Variants in ZNF571 observed in about 807,000 individuals in gnomAD.
ZNF571 encodes zinc finger protein 571.
Under a neutral mutation model 7.7 loss-of-function variants are expected in ZNF571, and 4 were observed. That is an observed-to-expected ratio of 0.52 (90% CI 0.25 to 1.18). The LOEUF (loss-of-function observed/expected upper bound fraction) is 1.18. Among genes scored for constraint, ZNF571 ranks in the 50% most tolerant of loss-of-function variants. The pLI, the probability that ZNF571 is intolerant of heterozygous loss-of-function variation, is 0.14. For missense variants in ZNF571, 704 were observed against 726.9 expected (o/e 0.97, Z 0.36); for synonymous variants, 251 against 232.4 (o/e 1.08, Z -0.73).
chr19:37,565,215 T>C lies in ZNF571; in HGVS notation c.1213A>G (p.Asn405Asp). The C allele has an allele frequency of 1.2e-6, 2 of 1,613,326 alleles. No homozygotes were observed. Among genetic ancestry groups the C allele is most frequent in the Non-Finnish European group, 1.7e-6 (2 of 1,179,760 alleles). ...ECGKAFISNSNLIQHQRIHTG... is the reference protein window; with the variant it reads ...ECGKAFISNSDLIQHQRIHTG... ...TGAATTCTTTGATGTTGAATAAGAT[T>C]AGAATTAGAAATAAAGGCTTTCCCA... is the stretch of plus-strand genomic sequence containing the variant. The change falls in exon 4 of 4, where the codon AAT becomes GAT. Residue 405 changes from asparagine to aspartate, a missense_variant. Asn to Asp is a conservative substitution (Grantham distance 23). Transcript: ENST00000451802.
chr19:37,566,567 T>TA, intron 3 of ZNF571: 1 of 290,118 alleles, frequency 3.4e-6, no homozygotes, highest in Admixed American at 4.7e-5. Flanking sequence ...AAAATAGTAA[T>TA]AAAAACACCC....
At position 37,564,652 on chromosome 19, in the gene ZNF571, A is replaced by G. The variant is rs1027750211; in HGVS notation, c.1776T>C (p.Gly592=). Residue 592 remains glycine, a synonymous_variant, in exon 4 of 4, where the codon GGT becomes GGC. Coordinates refer to ENST00000451802, the MANE Select transcript of ZNF571 (RefSeq NM_016536.5). ...GTTGTGAAGGACATCTAAAGTCTTT[A>G]CCACACTGGACACATGTATAGGGTT... The part of the protein sequence containing the change: ...GEKPYTCVQC[G]KDFRCPSQLT... 6.3e-7 allele frequency: 1 copy of G among 1,598,078 alleles called. No homozygotes were observed. The highest frequency in any genetic ancestry group is 1.1e-5 in the South Asian group (1 of 88,356).
intron 3 of ZNF571, among the ~76,000 whole-genome samples, chr19:37,579,150 C>T (rs1329846292): frequency 6.6e-6 from 1 of 152,206 alleles, no homozygotes; most frequent in Non-Finnish European, 1.5e-5. Context: ...TAGGACCCTG[C>T]ATGAGAGTTC....
At chr19:37,576,753 C>A (rs1381524188) in intron 3 of ZNF571, among the ~76,000 whole-genome samples, 1 of 151,920 alleles carries the variant, frequency 6.6e-6, no homozygotes, top group Non-Finnish European at 1.5e-5. Flanking sequence ...TAGCAAAGAC[C>A]CAAACTGGGA....
chr19:37,590,072 G>C (rs1425484820), intron 1 of ZNF571, among the ~76,000 whole-genome samples: 2 of 150,232 alleles, frequency 1.3e-5, no homozygotes, highest in Non-Finnish European at 2.9e-5. Flanking sequence ...TTTGATCCTA[G>C]ATATGATTTT....
chr19:37,568,966 T>C (rs1473178643), intron 3 of ZNF571, among the ~76,000 whole-genome samples: 1 of 152,062 alleles, frequency 6.6e-6, no homozygotes, highest in Non-Finnish European at 1.5e-5. Flanking sequence ...AGGCATCTTT[T>C]TTTTTTTTGA....
chr19:37,589,502 C>T (rs573757695), intron 1 of ZNF571, among the ~76,000 whole-genome samples: 5 of 151,494 alleles, frequency 3.3e-5, no homozygotes, highest in East Asian at 1.9e-4. Context: ...AAAAAGTCAA[C>T]GGTCATTCAA....
At chr19:37,580,439 A>G (rs528339955) in intron 3 of ZNF571, among the ~76,000 whole-genome samples, 4 of 152,248 alleles carry the variant, frequency 2.6e-5, no homozygotes, top group Admixed American at 6.5e-5. Flanking sequence ...TTTCCACAAC[A>G]TTTTCTTGAT....
At chr19:37,588,385 G>T (rs2043755519) in intron 1 of ZNF571, among the ~76,000 whole-genome samples, 1 of 152,110 alleles carries the variant, frequency 6.6e-6, no homozygotes, top group Non-Finnish European at 1.5e-5. Context: ...CTGTAAAAAG[G>T]AACAAAATCA....
In ZNF571 at chr19:37,569,029, T is replaced by A. The variant is rs1433309206; in HGVS notation, c.137-2738A>T. Among the ~76,000 whole-genome samples the A allele has an allele frequency of 6.6e-6, 1 of 151,968 alleles. No homozygotes were observed. The highest frequency in any genetic ancestry group is 1.5e-5 in the Non-Finnish European group (1 of 67,964). Reference sequence around the variant, plus strand: ...TGGAGTGCAGTCGTGCCATCTCAGCTCACTGCAACCTCCGCCTCCAGGTTC... The same window carrying A: ...TGGAGTGCAGTCGTGCCATCTCAGCACACTGCAACCTCCGCCTCCAGGTTC... On this transcript the variant is annotated intron_variant, in intron 3 of 3. Coordinates refer to ENST00000451802, the MANE Select transcript of ZNF571 (RefSeq NM_016536.5). This position sits in a 1 kb window ranked among gnomAD's most constrained non-coding sequence, Gnocchi z 4.4.
rs941786680 is a variant in ZNF571 at position 37,574,427 on chromosome 19, T to A, written c.137-8136A>T. On this transcript the variant is annotated intron_variant, in intron 3 of 3. Transcript: ENST00000451802. ...TGCAATCAGTATTATTTTCACTAAA[T>A]TTTTTTATCTCCAAAAATATTATTC... 3.3e-5 allele frequency among the ~76,000 whole-genome samples: 5 copies of A among 152,308 alleles called. No homozygotes were observed. In the East Asian group the frequency reaches 9.6e-4, roughly 29 times the overall value.
chr19:37,572,562 C>G (rs1316692633), intron 3 of ZNF571, among the ~76,000 whole-genome samples: 1 of 152,184 alleles, frequency 6.6e-6, no homozygotes. Context: ...AGTACTAGCT[C>G]TGGTTTCAGG....
chr19:37,582,053 TAC>T (rs747048940), intron 3 of ZNF571, among the ~76,000 whole-genome samples: 5 of 152,210 alleles, frequency 3.3e-5, no homozygotes, highest in African/African-American at 4.8e-5. Flanking sequence ...CCCTAATTAT[TAC>T]AGTGTTCTTA....
chr19:37,567,494 T>C (rs2042901313), intron 3 of ZNF571: 2 of 151,900 alleles, frequency 1.3e-5, no homozygotes, highest in Admixed American at 6.5e-5. Flanking sequence ...TTCTTAAATT[T>C]CTCCAATTTC....
intron 3 of ZNF571, among the ~76,000 whole-genome samples, chr19:37,570,635 A>G (rs1041226123): frequency 1.3e-5 from 2 of 152,198 alleles, no homozygotes; most frequent in Non-Finnish European, 2.9e-5. Flanking sequence ...AGAATGATTA[A>G]ACACAGGACT....
At chr19:37,566,929 T>C (rs1344488443) in intron 3 of ZNF571, among the ~76,000 whole-genome samples, 1 of 152,164 alleles carries the variant, frequency 6.6e-6, no homozygotes, top group Non-Finnish European at 1.5e-5. Flanking sequence ...TTTTCTTATG[T>C]CATCTCCCAC....
Position 37,564,564 on chromosome 19 carries a change from G to GAA in ZNF571, c.*33_*34insTT, listed in dbSNP as rs777136986. Reference sequence around the variant, plus strand: ...TCATTATAGATATGAAATAGATGAAGATTTTCTTAAATTTAATCACATTCA... The same window carrying GAA: ...TCATTATAGATATGAAATAGATGAAGAAATTTTCTTAAATTTAATCACATTCA... On this transcript the variant is annotated 3_prime_UTR_variant, in exon 4 of 4. Transcript: ENST00000451802. 6.9e-7 allele frequency: 1 copy of GAA among 1,454,060 alleles called. No homozygotes were observed. The highest frequency in any genetic ancestry group is 2.5e-5 in the Admixed American group (1 of 40,644). 90.1% of individuals were successfully genotyped at this position (1,454,060 alleles called of 1,614,324 possible). A position where few individuals can be genotyped will look rare whatever the true frequency, so the allele number is the denominator to read the frequency against.
At chr19:37,586,596 T>G in intron 2 of ZNF571, 72 bp downstream of exon 2, 1 of 1,577,166 alleles carries the variant, frequency 6.3e-7, no homozygotes, top group Non-Finnish European at 8.7e-7. Flanking sequence ...CAGGAAATTC[T>G]GGGATAAATC....
chr19:37,572,855 A>C (rs2043111720), intron 3 of ZNF571, among the ~76,000 whole-genome samples: 1 of 152,248 alleles, frequency 6.6e-6, no homozygotes, highest in African/African-American at 2.4e-5. Flanking sequence ...ATTTGCCACC[A>C]GCCTATTTCC....
Sources: allele counts gnomAD v4.1 joint callset (sites outside exome capture counted in the v4.1 genomes callset), GRCh38; gene constraint gnomAD v4.1.1; non-coding constraint Gnocchi (gnomAD v3.1); transcripts MANE v1.5; gene names NCBI Gene and HGNC (gene_info 2026-07-23, HGNC 2026-07-21).